The following RASD2 variants were observed in gnomAD, a reference collection of about 807,000 sequenced individuals.
RASD2 encodes the protein RASD family member 2.
RASD2 carries 7 observed loss-of-function variants against 15.8 expected under a neutral mutation model. That is an observed-to-expected ratio of 0.44 (90% CI 0.25 to 0.83). RASD2 has a LOEUF of 0.83. RASD2 is among the 40% of genes least tolerant of loss of function. The pLI, the probability that RASD2 is intolerant of heterozygous loss-of-function variation, is 0.20. For missense variants in RASD2, 274 were observed against 382.8 expected (o/e 0.72, Z 2.37); for synonymous variants, 155 against 153.6 (o/e 1.01, Z -0.07).
upstream of RASD2, among the ~76,000 whole-genome samples, chr22:35,538,009 G>A (rs1207413550): frequency 6.6e-6 from 1 of 151,256 alleles, no homozygotes; most frequent in Non-Finnish European, 1.5e-5. Context: ...ACAGTGACAC[G>A]ATCTCGGCTC....
chr22:35,543,966 C>A (rs1288149849), intron 1 of RASD2, among the ~76,000 whole-genome samples: 1 of 151,408 alleles, frequency 6.6e-6, no homozygotes, highest in Non-Finnish European at 1.5e-5. Flanking sequence ...CTCTCTGATT[C>A]CCTGCCTCTT....
chr22:35,548,977 C>T (rs1260719691), intron 2 of RASD2, among the ~76,000 whole-genome samples: 1 of 152,122 alleles, frequency 6.6e-6, no homozygotes, highest in Non-Finnish European at 1.5e-5. Flanking sequence ...GGACTGGGTA[C>T]CCGCTGCAAT....
chr22:35,533,760 ATGGTGG>A, the RASD2 span, among the ~76,000 whole-genome samples: 1 of 22,146 alleles, frequency 4.5e-5, no homozygotes, highest in Admixed American at 4.5e-4. Flanking sequence ...GATGACAGTG[ATGGTGG>A]TGATGATGAC....
Position 35,551,872 on chromosome 22 carries a change from C to G in RASD2, c.641C>G (p.Pro214Arg). The G allele has an allele frequency of 6.2e-7, 1 of 1,613,956 alleles. No individual in the cohort carries two copies. Among genetic ancestry groups the G allele is most frequent in the Non-Finnish European group, 8.5e-7 (1 of 1,180,040 alleles). ...GTGCAGTACGGTGACGCCTTCCACCCCAGGCCCTTCTGCATGCGCCGCGTC... is the reference window on the plus strand; with the variant it reads ...GTGCAGTACGGTGACGCCTTCCACCGCAGGCCCTTCTGCATGCGCCGCGTC... ...ISVQYGDAFH[P>R]RPFCMRRVKE... The change falls in exon 3 of 3, where the codon CCC (proline) becomes CGC (arginine). Residue 214 changes from proline to arginine, a missense_variant. By Grantham distance (103) the Pro-to-Arg change is moderately radical. Coordinates refer to ENST00000216127, the MANE Select transcript of RASD2 (RefSeq NM_014310.4). This position sits in a 1 kb window ranked among gnomAD's most constrained non-coding sequence, Gnocchi z 4.9.
chr22:35,552,079 G>A lies in RASD2; in HGVS notation c.*47G>A. On this transcript the variant is annotated 3_prime_UTR_variant, in exon 3 of 3. Transcript: ENST00000216127. ...CTTGGCCAGTGCCTTCAGGGAGGTG[G>A]CCCCAGATGCCCACTGTGCGCATCT... The A allele has an allele frequency of 6.4e-7, 1 of 1,551,400 alleles. No homozygotes were observed. The highest frequency in any genetic ancestry group is 8.7e-7 in the Non-Finnish European group (1 of 1,150,204).
chr22:35,545,988 C>T (rs1391711431), intron 1 of RASD2, among the ~76,000 whole-genome samples: 1 of 152,082 alleles, frequency 6.6e-6, no homozygotes. Context: ...GCCCCAGAAC[C>T]ATAACCCTTG....
the RASD2 span, among the ~76,000 whole-genome samples, chr22:35,533,914 T>C: frequency 1.3e-5 from 2 of 151,184 alleles, no homozygotes; most frequent in South Asian, 4.2e-4. Flanking sequence ...ATGATGAGAG[T>C]GATGATGGTG....
In RASD2 at chr22:35,552,508, G is replaced by C. The variant is rs3747159; in HGVS notation, c.*476G>C. 73,037 of 158,464 alleles carry C rather than the reference G, an allele frequency of 0.46. 17,535 individuals are homozygous for C. The highest frequency in any genetic ancestry group is 0.58 in the African/African-American group (24,227 of 41,426). The allele number at this position is 158,464 out of a possible 1,614,324, so 9.8% of individuals were successfully genotyped here. ...TCTCTCCCAGCCCTGCAACTCTTAC[G>C]CTCTGGTTCAGCTGCCTCTGCACCC... On this transcript the variant is annotated 3_prime_UTR_variant, in exon 3 of 3. Transcript: ENST00000216127.
chr22:35,539,751 A>G (rs1457103696), upstream of RASD2, among the ~76,000 whole-genome samples: 1 of 152,228 alleles, frequency 6.6e-6, no homozygotes, highest in Non-Finnish European at 1.5e-5. Flanking sequence ...TTCTCTAAAA[A>G]AACGTGTTTA....
At position 35,547,128 on chromosome 22, in the gene RASD2, G is replaced by A. The variant is rs1287959180; in HGVS notation, c.271+48G>A. 4 of 1,560,196 alleles carry A rather than the reference G, an allele frequency of 2.6e-6. No individual in the cohort carries two copies. In the East Asian group the frequency reaches 9.0e-5, roughly 35 times the overall value. On this transcript the variant is annotated intron_variant, in intron 2 of 2. Coordinates refer to ENST00000216127, the MANE Select transcript of RASD2 (RefSeq NM_014310.4). ...CTGGGGCGGCAGGGCCAGGGCATGG[G>A]TGCGGAGTGTGCTGGGCACTTGGCA...
At chr22:35,548,850 T>G (rs1345136132) in intron 2 of RASD2, among the ~76,000 whole-genome samples, 2 of 152,156 alleles carry the variant, frequency 1.3e-5, no homozygotes, top group Non-Finnish European at 2.9e-5. Context: ...AGCCACACAG[T>G]GGGCTTAACC....
At chr22:35,539,235 C>G (rs1267023970), upstream of RASD2, among the ~76,000 whole-genome samples, 1 of 152,220 alleles carries the variant, frequency 6.6e-6, no homozygotes, top group East Asian at 1.9e-4. Flanking sequence ...GATGGCACAA[C>G]CAGGACCCAG....
At position 35,551,413 on chromosome 22, in the gene RASD2, C is replaced by G; in HGVS notation, c.272-90C>G. ...TAACTGCTTCAGGGCACCTGTGACTCCCAGCTCTTAGGGCTGATGTTCTGT... is the reference window on the plus strand; with the variant it reads ...TAACTGCTTCAGGGCACCTGTGACTGCCAGCTCTTAGGGCTGATGTTCTGT... On this transcript the variant is annotated intron_variant, in intron 2 of 2. Transcript: ENST00000216127. The surrounding 1 kb of genome is among the most constrained non-coding windows in gnomAD (Gnocchi z 4.9). The G allele has an allele frequency of 7.2e-7, 1 of 1,390,878 alleles. No homozygotes were observed. The highest frequency in any genetic ancestry group is 9.9e-7 in the Non-Finnish European group (1 of 1,012,696). The allele number at this position is 1,390,878 out of a possible 1,614,324, so 86.2% of individuals were successfully genotyped here. A position where few individuals can be genotyped will look rare whatever the true frequency, so the allele number is the denominator to read the frequency against.
rs1359812461 is a variant in RASD2 at position 35,546,805 on chromosome 22, G to A, written c.-5G>A. 8.7e-6 allele frequency: 14 copies of A among 1,612,560 alleles called. No individual in the cohort carries two copies. The African/African-American group carries it at 1.1e-4, about 12-fold the overall frequency. On this transcript the variant is annotated 5_prime_UTR_variant, in exon 2 of 3. Transcript: ENST00000216127. ...GCTTCTCTCGCTTTGTTGCAGCCCC[G>A]AGCCATGATGAAGACTTTGTCCAGC...
the RASD2 span, among the ~76,000 whole-genome samples, chr22:35,533,638 T>A: frequency 8.1e-5 from 10 of 123,382 alleles, no homozygotes; most frequent in Admixed American, 1.9e-4. Context: ...ATGATGGTGA[T>A]GATGGTGATG....
intron 2 of RASD2, among the ~76,000 whole-genome samples, chr22:35,547,289 G>A (rs906746194): frequency 6.6e-6 from 1 of 152,238 alleles, no homozygotes; most frequent in Admixed American, 6.5e-5. Flanking sequence ...ACTCCAGATC[G>A]ATTACTCATG....
Position 35,551,987 on chromosome 22 carries a change from T to C in RASD2, c.756T>C (p.Leu252=). The C allele has an allele frequency of 6.2e-7, 1 of 1,601,024 alleles. No individual in the cohort carries two copies. The stretch of plus-strand genomic sequence containing the variant: ...TCAAGTACATCAAGGCCAAGGTCCT[T>C]CGGGAAGGCCAGGCCCGTGAGAGGG... The part of the protein sequence containing the change: ...SDLKYIKAKV[L]REGQARERDK... Residue 252 remains leucine (L), a synonymous_variant, in exon 3 of 3, where the codon CTT becomes CTC. Transcript: ENST00000216127. The surrounding 1 kb of genome is among the most constrained non-coding windows in gnomAD (Gnocchi z 4.9).
chr22:35,548,732 T>C (rs1424616924), intron 2 of RASD2, among the ~76,000 whole-genome samples: 1 of 152,166 alleles, frequency 6.6e-6, no homozygotes, highest in African/African-American at 2.4e-5. Context: ...AGAAGGGGCA[T>C]GTAGATAGGA....
intron 2 of RASD2, among the ~76,000 whole-genome samples, chr22:35,547,877 GT>G (rs1210327226): frequency 6.6e-6 from 1 of 152,244 alleles, no homozygotes; most frequent in Non-Finnish European, 1.5e-5. Flanking sequence ...GCCTCCCAAA[GT>G]GCTGAGATTA....
Sources: gnomAD v4.1 joint callset for allele counts (sites outside exome capture counted in the v4.1 genomes callset) on GRCh38, gnomAD v4.1.1 for gene constraint, Gnocchi (gnomAD v3.1) non-coding constraint, MANE v1.5 for transcripts, NCBI Gene and HGNC (gene_info 2026-07-23, HGNC 2026-07-21) for gene names.